CLPTM1L: variants seen among roughly 807,000 people sequenced by gnomAD.
CLPTM1L encodes the protein lipid scramblase CLPTM1L.
In CLPTM1L, 38 loss-of-function variants were observed where a neutral mutation model predicts 70.9. The ratio of observed to expected loss-of-function variants is 0.54; its 90% CI spans 0.41 to 0.70. The LOEUF (loss-of-function observed/expected upper bound fraction) is 0.70. CLPTM1L is among the 30% of genes least tolerant of loss of function. The pLI, the probability that CLPTM1L is intolerant of heterozygous loss-of-function variation, is 0.00. For missense variants in CLPTM1L, 652 were observed against 705.9 expected, an observed-to-expected ratio of 0.92 and a Z score of 0.87; for synonymous variants, 339 against 299.9, an observed-to-expected ratio of 1.13 and a Z score of -1.35.
At chr5:1,333,923 G>A (rs1315287215) in intron 7 of CLPTM1L, among the ~76,000 whole-genome samples, 1 of 152,112 alleles carries the variant, frequency 6.6e-6, no homozygotes. Flanking sequence ...CCCTGGCTCT[G>A]CATGGGGTCG....
intron 5 of CLPTM1L, among the ~76,000 whole-genome samples, chr5:1,337,650 C>G (rs1345652660): frequency 6.6e-6 from 1 of 152,244 alleles, no homozygotes; most frequent in Non-Finnish European, 1.5e-5. Flanking sequence ...AAACAATCTT[C>G]CAGGGGCCTT....
intron 9 of CLPTM1L, among the ~76,000 whole-genome samples, chr5:1,326,882 T>C (rs1271452722): frequency 2.9e-4 from 37 of 126,362 alleles, no homozygotes; most frequent in East Asian, 5.4e-4. Context: ...CAGACACATT[T>C]CATCCAGCTC....
At position 1,337,971 on chromosome 5, in the gene CLPTM1L, C is replaced by T. The variant is rs1409140815; in HGVS notation, c.611G>A (p.Gly204Glu). The T allele has an allele frequency of 6.2e-7, 1 of 1,606,278 alleles. No individual in the cohort carries two copies. The highest frequency in any genetic ancestry group is 8.5e-7 in the Non-Finnish European group (1 of 1,177,508). The change falls in exon 5 of 17, where the codon GGG becomes GAG. Residue 204 changes from glycine to glutamate, a missense_variant. This residue lies in a region of CLPTM1L where 402 missense variants were observed against 388.2 expected (regional missense o/e 1.04). Coordinates refer to ENST00000320895, the MANE Select transcript of CLPTM1L (RefSeq NM_030782.5). The part of the protein sequence containing the change: ...VHRYMKMIQL[G>E]KTVHYLPILF... ...GATGGGCAGGTAATGCACGGTTTTC[C>T]CCAGCTGGATCCTGGGATTAAAGCA...
intron 9 of CLPTM1L, chr5:1,326,072 G>A (rs1365615151): frequency 2.0e-6 from 1 of 511,106 alleles, no homozygotes; most frequent in East Asian, 3.1e-5. Flanking sequence ...GCATGTGAGG[G>A]CAGTTCTTTA....
At chr5:1,324,145 A>C in intron 11 of CLPTM1L, 1 of 474,040 alleles carries the variant, frequency 2.1e-6, no homozygotes, top group South Asian at 4.4e-5. Flanking sequence ...CAACCAACCC[A>C]CAACAGATCA....
At position 1,342,878 on chromosome 5, in the gene CLPTM1L, T is replaced by C. The variant is rs909080488; in HGVS notation, c.264-1018A>G. Among the ~76,000 whole-genome samples, 7 of 152,222 alleles carry C rather than the reference T, an allele frequency of 4.6e-5. No individual in the cohort carries two copies. Among genetic ancestry groups the C allele is most frequent in the Non-Finnish European group, 8.8e-5 (6 of 68,034 alleles). On this transcript the variant is annotated intron_variant, in intron 2 of 16. Coordinates refer to ENST00000320895, the MANE Select transcript of CLPTM1L (RefSeq NM_030782.5). This position sits in a 1 kb window ranked among gnomAD's most constrained non-coding sequence, Gnocchi z 4.3. ...TGCTGGGATTATAGGCATGAGTCAC[T>C]GTGCCCGGCCTCTCCTTAAAAATCT...
At chr5:1,324,941 G>T in intron 10 of CLPTM1L, 128 bp from the exon 11 acceptor site, 1 of 796,290 alleles carries the variant, frequency 1.3e-6, no homozygotes. Flanking sequence ...GGGCGCTCAG[G>T]TCCCTACCAG....
intron 7 of CLPTM1L, among the ~76,000 whole-genome samples, chr5:1,333,043 G>A (rs1753222530): frequency 1.5e-5 from 2 of 131,578 alleles, no homozygotes; most frequent in Admixed American, 1.6e-4. Flanking sequence ...GGGGACTACT[G>A]TATACACACC....
Position 1,331,880 on chromosome 5 carries a change from GA to G in CLPTM1L, c.894del (p.Leu299SerfsTer20). 6.2e-7 allele frequency: 1 copy of G among 1,613,148 alleles called. No homozygotes were observed. Among genetic ancestry groups the G allele is most frequent in the Non-Finnish European group, 8.5e-7 (1 of 1,179,762 alleles). On this transcript the variant is annotated frameshift_variant and splice_region_variant, in exon 8 of 17. Transcript: ENST00000320895. LOFTEE classifies it high-confidence loss of function. ...TTTTTAAAGGCCAGGAAATCAAAGA[GA>G]AGCTAGAGAGAACACACACGACAGC... Reference protein sequence around the residue: ...ALTFFVAAFHLLFDFLAFKND... With the variant: ...ALTFFVAAFHXLFDFLAFKND...
intron 10 of CLPTM1L, chr5:1,325,316 C>A (rs970745569): frequency 1.2e-5 from 3 of 251,492 alleles, no homozygotes; most frequent in Non-Finnish European, 2.3e-5. Flanking sequence ...TCTGCCCCAG[C>A]CCTCATCTGC....
intron 9 of CLPTM1L, among the ~76,000 whole-genome samples, chr5:1,326,944 C>A (rs900123325): frequency 2.0e-5 from 3 of 150,936 alleles, no homozygotes; most frequent in African/African-American, 7.4e-5. Context: ...CACATTTCAT[C>A]CAGCTCCTCC....
chr5:1,323,939 G>A, intron 11 of CLPTM1L, 70 bp from the exon 12 acceptor site: 1 of 1,190,018 alleles, frequency 8.4e-7, no homozygotes, highest in Non-Finnish European at 1.3e-6. Context: ...ACTGCATGGA[G>A]CTCACCCCGA....
In CLPTM1L at chr5:1,325,559, G is replaced by C. The variant is rs1752472909; in HGVS notation, c.1146+192C>G. On this transcript the variant is annotated intron_variant, in intron 10 of 16. Transcript: ENST00000320895. ...CTGCACTGAAGACGGTCAGAACTAGGTATATGACCGGGGAATCCTCAGGCG... is the reference window on the plus strand; with the variant it reads ...CTGCACTGAAGACGGTCAGAACTAGCTATATGACCGGGGAATCCTCAGGCG... 4.9e-6 allele frequency: 3 copies of C among 613,104 alleles called. No individual in the cohort carries two copies. The Admixed American group carries it at 8.6e-5, about 18-fold the overall frequency. The allele number at this position is 613,104 out of a possible 1,614,324, so 38.0% of individuals were successfully genotyped here.
chr5:1,318,265 T>C lies in CLPTM1L; in HGVS notation c.*104A>G, dbSNP rs1397428354. 1.4e-5 allele frequency: 13 copies of C among 896,992 alleles called. No individual in the cohort carries two copies. The highest frequency in any genetic ancestry group is 1.0e-4 in the Admixed American group (5 of 48,832). 55.6% of individuals were successfully genotyped at this position (896,992 alleles called of 1,614,324 possible). ...TGTCTGAGAAATGTCCGAAGGGATTTTGGCAACACAGAAAACGCAATGTCT... is the reference window on the plus strand; with the variant it reads ...TGTCTGAGAAATGTCCGAAGGGATTCTGGCAACACAGAAAACGCAATGTCT... On this transcript the variant is annotated 3_prime_UTR_variant, in exon 17 of 17. Coordinates refer to ENST00000320895, the MANE Select transcript of CLPTM1L (RefSeq NM_030782.5). The surrounding 1 kb of genome is among the most constrained non-coding windows in gnomAD (Gnocchi z 8.9).
At chr5:1,330,238 C>T in intron 9 of CLPTM1L, 42 bp downstream of exon 9, 1 of 1,522,802 alleles carries the variant, frequency 6.6e-7, no homozygotes, top group Non-Finnish European at 9.1e-7. Flanking sequence ...TGCGTGGAGG[C>T]ACATGGACCT....
In CLPTM1L at chr5:1,337,822, A is replaced by G. The variant is rs1217075855; in HGVS notation, c.678+82T>C. On this transcript the variant is annotated intron_variant, in intron 5 of 16. Coordinates refer to ENST00000320895, the MANE Select transcript of CLPTM1L (RefSeq NM_030782.5). ...TCAAATGTCAGCAATGGCCCGGTCC[A>G]TTAGGGTGCAGGGGCTGCGGGGCCA... 7 of 1,113,378 alleles carry G rather than the reference A, an allele frequency of 6.3e-6. No homozygotes were observed. In the Admixed American group the frequency reaches 8.0e-5, roughly 13 times the overall value. 69.0% of individuals were successfully genotyped at this position (1,113,378 alleles called of 1,614,324 possible).
chr5:1,330,712 G>A (rs896210381), intron 8 of CLPTM1L: 2 of 328,980 alleles, frequency 6.1e-6, no homozygotes, highest in South Asian at 6.9e-5. Flanking sequence ...TCTTATGCCA[G>A]TTCTGTGATA....
At chr5:1,323,331 T>C (rs180705364) in intron 12 of CLPTM1L, among the ~76,000 whole-genome samples, 1,490 of 121,866 alleles carry the variant, frequency 0.012, 66 homozygotes, top group Non-Finnish European at 0.018. Flanking sequence ...GCAGCCCACC[T>C]GGGCAACAGA....
At chr5:1,330,487 C>T in intron 8 of CLPTM1L, 104 bp from the exon 9 acceptor site, 2 of 842,094 alleles carry the variant, frequency 2.4e-6, no homozygotes, top group African/African-American at 3.4e-5. Flanking sequence ...CCCACCACGC[C>T]CAAGAAGCTT....
Sources: gnomAD v4.1 joint callset for allele counts (sites outside exome capture counted in the v4.1 genomes callset) on GRCh38, gnomAD v4.1.1 for gene constraint, gnomAD v4.1.1 regional missense constraint, Gnocchi (gnomAD v3.1) non-coding constraint, MANE v1.5 for transcripts, NCBI Gene and HGNC (gene_info 2026-07-23, HGNC 2026-07-21) for gene names.